The following HNRNPH2 variants were observed in gnomAD, a reference collection of about 807,000 sequenced individuals.
HNRNPH2 encodes heterogeneous nuclear ribonucleoprotein H2, also known as FTP-3.
For synonymous variants in HNRNPH2, 128 were observed against 128.2 expected (o/e 1.00, Z 0.01); for missense variants, 115 against 352.9 (o/e 0.33, Z 5.40).
rs781925750 is a variant in HNRNPH2, at chrX:101,412,665, C to T, written c.677C>T (p.Ala226Val). 1.4e-5 allele frequency: 17 copies of T among 1,209,205 alleles called. No homozygotes were observed. In the Admixed American group the frequency reaches 2.6e-4, roughly 19 times the overall value. ...GGGTATAATAGCATTGGCAGAGGAGCTGGGTTTGAAAGGATGAGGCGTGGT... is the reference window on the plus strand; with the variant it reads ...GGGTATAATAGCATTGGCAGAGGAGTTGGGTTTGAAAGGATGAGGCGTGGT... ...GRGYNSIGRG[A>V]GFERMRRGAY... is the part of the protein sequence containing the mutation. The change falls in exon 2 of 2, where the codon GCT (alanine) becomes GTT (valine). Residue 226 changes from alanine (A) to valine (V), a missense_variant. Ala to Val is a moderately conservative substitution (Grantham distance 64). Transcript: ENST00000316594.
At chrX:101,410,492 C>G (rs1256937659) in intron 1 of HNRNPH2, among the ~76,000 whole-genome samples, 1 of 112,117 alleles carries the variant, frequency 8.9e-6, no homozygotes, top group African/African-American at 3.2e-5. Context: ...TGAACATTTC[C>G]CAGATTCCTC....
At chrX:101,409,276 C>T (rs1928692967) in intron 1 of HNRNPH2, among the ~76,000 whole-genome samples, 1 of 112,356 alleles carries the variant, frequency 8.9e-6, no homozygotes, top group Admixed American at 9.4e-5. Flanking sequence ...ACATAATCGG[C>T]AATCAGTAAA....
chrX:101,410,454 T>G (rs1434529243), intron 1 of HNRNPH2, among the ~76,000 whole-genome samples: 1 of 112,458 alleles, frequency 8.9e-6, no homozygotes, highest in Non-Finnish European at 1.9e-5. Context: ...TAGTTCTGAT[T>G]TTAACTTGCT....
At position 101,408,285 on chromosome X, in the gene HNRNPH2, G is replaced by T; in HGVS notation, c.-88G>T. Reference sequence around the variant, plus strand: ...TACCGTCTCGCTATAGCCGTTTGAGGGAAGAAGGAGGAAAATTACCCGGTA... The same window carrying T: ...TACCGTCTCGCTATAGCCGTTTGAGTGAAGAAGGAGGAAAATTACCCGGTA... On this transcript the variant is annotated 5_prime_UTR_variant, in exon 1 of 2. Coordinates refer to ENST00000316594, the MANE Select transcript of HNRNPH2 (RefSeq NM_019597.5). 3.9e-6 allele frequency: 1 copy of T among 256,759 alleles called. No homozygotes were observed. Among genetic ancestry groups the T allele is most frequent in the Non-Finnish European group, 7.2e-6 (1 of 139,431 alleles). The allele number at this position is 256,759 out of a possible 1,213,427, so 21.2% of individuals were successfully genotyped here.
intron 1 of HNRNPH2, among the ~76,000 whole-genome samples, chrX:101,408,577 G>C (rs1279947258): frequency 9.0e-6 from 1 of 111,004 alleles, no homozygotes; most frequent in Non-Finnish European, 1.9e-5. Flanking sequence ...AAGGGTGACC[G>C]TAAGGCGAAA....
intron 1 of HNRNPH2, among the ~76,000 whole-genome samples, chrX:101,409,171 A>C (rs1928687242): frequency 9.0e-6 from 1 of 111,223 alleles, no homozygotes; most frequent in African/African-American, 3.3e-5. Context: ...AAAATCCTGC[A>C]AAATGAAATA....
Position 101,409,426 on chromosome X carries a change from A to G in HNRNPH2, c.-54+1107A>G, listed in dbSNP as rs558060004. On this transcript the variant is annotated intron_variant, in intron 1 of 1. Coordinates refer to ENST00000316594, the MANE Select transcript of HNRNPH2 (RefSeq NM_019597.5). Reference sequence around the variant, plus strand: ...ATTAGAAAATTTTATAAAATTTCCTATACCAAATCCCAGAAATGCAAACAT... The same window carrying G: ...ATTAGAAAATTTTATAAAATTTCCTGTACCAAATCCCAGAAATGCAAACAT... Among the ~76,000 whole-genome samples, 100 of 112,511 alleles carry G rather than the reference A, an allele frequency of 8.9e-4. 1 individual carries two copies. The South Asian group carries it at 0.035, about 40-fold the overall frequency.
At position 101,413,468 on chromosome X, in the gene HNRNPH2, A is replaced by G. The variant is rs1411624566; in HGVS notation, c.*130A>G. On this transcript the variant is annotated 3_prime_UTR_variant, in exon 2 of 2. Transcript: ENST00000316594. The stretch of plus-strand genomic sequence containing the variant: ...ATGGGAAATATAATTGATTCTGATC[A>G]CTCTTGGTCAGCTTCTCTTTCTTTA... 1.0e-5 allele frequency: 5 copies of G among 500,258 alleles called. No homozygotes were observed. The highest frequency in any genetic ancestry group is 3.7e-5 in the East Asian group (1 of 26,698). 41.2% of individuals were successfully genotyped at this position (500,258 alleles called of 1,213,427 possible). A position where few individuals can be genotyped will look rare whatever the true frequency, so the allele number is the denominator to read the frequency against.
rs3027574 is a variant in HNRNPH2, at chrX:101,413,308, C to T, written c.1320C>T (p.Asn440=). The part of the protein sequence containing the change: ...MSGYDQVLQE[N]SSDYQSNLA ...GATATGACCAAGTTCTGCAGGAAAA[C>T]TCCAGTGACTATCAGTCAAACCTTG... The change falls in exon 2 of 2, where the codon AAC becomes AAT. Residue 440 remains asparagine (N), a synonymous_variant. Coordinates refer to ENST00000316594, the MANE Select transcript of HNRNPH2 (RefSeq NM_019597.5). 0.046 allele frequency: 53,924 copies of T among 1,184,596 alleles called. 942 individuals are homozygous for T. The highest frequency in any genetic ancestry group is 0.051 in the Non-Finnish European group (45,135 of 882,821).
intron 1 of HNRNPH2, among the ~76,000 whole-genome samples, chrX:101,411,256 ATAT>A (rs1415338938): frequency 1.8e-5 from 2 of 109,650 alleles, no homozygotes; most frequent in African/African-American, 6.7e-5. Flanking sequence ...TATAATGAAG[ATAT>A]TATATAAAGA....
At chrX:101,409,643 T>C (rs1393867605) in intron 1 of HNRNPH2, among the ~76,000 whole-genome samples, 7 of 111,720 alleles carry the variant, frequency 6.3e-5, no homozygotes, top group Admixed American at 4.8e-4. Flanking sequence ...GAATTAAAAC[T>C]GTATAGAAGT....
intron 1 of HNRNPH2, among the ~76,000 whole-genome samples, chrX:101,408,752 C>T (rs1353167576): frequency 2.7e-5 from 3 of 111,689 alleles, no homozygotes; most frequent in Non-Finnish European, 5.6e-5. Flanking sequence ...CAAATGCGTG[C>T]TTGACAAAGG....
intron 1 of HNRNPH2, among the ~76,000 whole-genome samples, 200 bp downstream of exon 1, chrX:101,408,519 A>G (rs1055678571): frequency 9.3e-6 from 1 of 107,038 alleles, no homozygotes; most frequent in Admixed American, 9.9e-5. Flanking sequence ...ATGACTGTGT[A>G]TGTGTTTTTG....
Position 101,412,749 on chromosome X carries a change from G to C in HNRNPH2, c.761G>C (p.Gly254Ala). The C allele has an allele frequency of 8.3e-7, 1 of 1,210,594 alleles. No homozygotes were observed. Among genetic ancestry groups the C allele is most frequent in the Non-Finnish European group, 1.1e-6 (1 of 894,565 alleles). Residue 254 changes from glycine (G) to alanine (A), a missense_variant, in exon 2 of 2, where the codon GGC (glycine) becomes GCC (alanine). Transcript: ENST00000316594. Reference protein sequence around the residue: ...DDYGGYNDGYGFGSDRFGRDL... With the variant: ...DDYGGYNDGYAFGSDRFGRDL... The stretch of plus-strand genomic sequence containing the variant: ...TATGGTGGCTATAATGATGGATATG[G>C]CTTTGGGTCTGATAGATTTGGAAGA...
chrX:101,408,282 G>A lies in HNRNPH2; in HGVS notation c.-91G>A, dbSNP rs1555987380. The A allele has an allele frequency of 7.7e-6, 2 of 260,024 alleles. No homozygotes were observed. The highest frequency in any genetic ancestry group is 1.4e-5 in the Non-Finnish European group (2 of 142,218). The allele number at this position is 260,024 out of a possible 1,213,427, so 21.4% of individuals were successfully genotyped here. A position where few individuals can be genotyped will look rare whatever the true frequency, so the allele number is the denominator to read the frequency against. ...GTCTACCGTCTCGCTATAGCCGTTT[G>A]AGGGAAGAAGGAGGAAAATTACCCG... On this transcript the variant is annotated 5_prime_UTR_variant, in exon 1 of 2. Transcript: ENST00000316594.
chrX:101,409,508 A>T (rs1603050078), intron 1 of HNRNPH2, among the ~76,000 whole-genome samples: 1 of 112,378 alleles, frequency 8.9e-6, no homozygotes, highest in South Asian at 3.6e-4. Context: ...TTTCTGTAGA[A>T]ATTTAAGGCT....
At chrX:101,409,612 TC>T (rs1323624357) in intron 1 of HNRNPH2, among the ~76,000 whole-genome samples, 1 of 111,281 alleles carries the variant, frequency 9.0e-6, no homozygotes, top group African/African-American at 3.3e-5. Context: ...AAAGAAAAAA[TC>T]CCAGTACAGC....
At chrX:101,411,274 A>C (rs1157160232) in intron 1 of HNRNPH2, among the ~76,000 whole-genome samples, 1 of 108,748 alleles carries the variant, frequency 9.2e-6, no homozygotes, top group Non-Finnish European at 1.9e-5. Context: ...TAAAGAACTT[A>C]CATAACCTGT....
At chrX:101,410,524 T>G (rs1311182951) in intron 1 of HNRNPH2, among the ~76,000 whole-genome samples, 1 of 112,623 alleles carries the variant, frequency 8.9e-6, no homozygotes, top group African/African-American at 3.2e-5. Flanking sequence ...CCTATACCTG[T>G]ATTCTCTCAT....
Sources: gnomAD v4.1 joint callset for allele counts (sites outside exome capture counted in the v4.1 genomes callset) on GRCh38, gnomAD v4.1.1 for gene constraint, MANE v1.5 for transcripts, NCBI Gene and HGNC (gene_info 2026-07-23, HGNC 2026-07-21) for gene names.